Variants in ERBB4 observed in about 807,000 individuals in gnomAD.
The protein encoded by ERBB4 is receptor tyrosine-protein kinase erbB-4.
In ERBB4, 42 loss-of-function variants were observed where a neutral mutation model predicts 158.0. The ratio of observed to expected loss-of-function variants is 0.27; its 90% CI spans 0.21 to 0.34. ERBB4 has a LOEUF of 0.34. Among genes scored for constraint, ERBB4 ranks in the 10% least tolerant of loss-of-function variants. The probability of loss-of-function intolerance (pLI) is 1.00; values close to 1 mark genes in which losing one functional copy is unlikely to be tolerated. For missense variants in ERBB4, 1,333 were observed against 1,624.1 expected (o/e 0.82, Z 3.08); for synonymous variants, 583 against 558.7 (o/e 1.04, Z -0.61).
intron 3 of ERBB4, among the ~76,000 whole-genome samples, chr2:211,847,419 T>G (rs2077616461): frequency 6.6e-6 from 1 of 152,054 alleles, no homozygotes. Flanking sequence ...TGAGCCCACA[T>G]GAAGTTACAA....
At chr2:212,093,703 T>C (rs2078845725) in intron 2 of ERBB4, among the ~76,000 whole-genome samples, 1 of 152,222 alleles carries the variant, frequency 6.6e-6, no homozygotes, top group Non-Finnish European at 1.5e-5. Flanking sequence ...CTTGTGGTGT[T>C]ATAATAATCC....
At chr2:211,583,811 A>ATTATAATATCATTATT (rs1199180697) in intron 19 of ERBB4, among the ~76,000 whole-genome samples, 15 of 151,710 alleles carry the variant, frequency 9.9e-5, no homozygotes, top group Non-Finnish European at 1.5e-4. Context: ...TTTTTTGTCA[A>ATTATAATATCATTATT]TTATAATATC....
chr2:211,524,674 C>T (rs908047099), intron 20 of ERBB4, among the ~76,000 whole-genome samples: 6 of 135,238 alleles, frequency 4.4e-5, no homozygotes, highest in South Asian at 2.2e-4. Flanking sequence ...GCTCCGAGTG[C>T]GGGGCCGCCA....
chr2:211,694,909 G>A (rs946497744), intron 12 of ERBB4, among the ~76,000 whole-genome samples: 3 of 152,072 alleles, frequency 2.0e-5, no homozygotes, highest in African/African-American at 7.2e-5. Flanking sequence ...AAGAAAATCT[G>A]CCACCTTAGT....
chr2:212,219,731 T>C (rs536452047), intron 1 of ERBB4, among the ~76,000 whole-genome samples: 2 of 151,452 alleles, frequency 1.3e-5, no homozygotes, highest in African/African-American at 4.8e-5. Context: ...AATTATGTAT[T>C]CTTTACTCCT....
Position 211,393,740 on chromosome 2 carries a change from CGTGTGTGTGTGTGT to C in ERBB4, c.3136-5762_3136-5749del, listed in dbSNP as rs58472959. ...AACTTTGAGTATTAAGAGTTAATAG[CGTGTGTGTGTGTGT>C]GTGTGTGTGTGTGTGTGTGTGTGTG... On this transcript the variant is annotated intron_variant, in intron 25 of 27. Coordinates refer to ENST00000342788, the MANE Select transcript of ERBB4 (RefSeq NM_005235.3). Among the ~76,000 whole-genome samples, 1,281 of 146,344 alleles carry C rather than the reference CGTGTGTGTGTGTGT, an allele frequency of 8.8e-3. 15 individuals are homozygous for C. The highest frequency in any genetic ancestry group is 0.026 in the African/African-American group (1,031 of 40,136).
chr2:211,566,560 A>G (rs2067554239), intron 19 of ERBB4, among the ~76,000 whole-genome samples: 1 of 152,196 alleles, frequency 6.6e-6, no homozygotes, highest in Non-Finnish European at 1.5e-5. Context: ...CAATGTAGTT[A>G]TAAAGAGAGT....
chr2:211,746,956 A>G (rs2074993704), intron 5 of ERBB4, among the ~76,000 whole-genome samples: 1 of 152,258 alleles, frequency 6.6e-6, no homozygotes, highest in African/African-American at 2.4e-5. Flanking sequence ...AACATTGTCA[A>G]AAATTGTTAT....
chr2:211,437,766 T>C (rs767372277), intron 20 of ERBB4, among the ~76,000 whole-genome samples: 16 of 152,154 alleles, frequency 1.1e-4, no homozygotes, highest in Non-Finnish European at 2.4e-4. Flanking sequence ...TTTTCTGTTT[T>C]CATTCTAATT....
At chr2:212,362,228 A>G (rs2089714396) in intron 1 of ERBB4, among the ~76,000 whole-genome samples, 1 of 151,484 alleles carries the variant, frequency 6.6e-6, no homozygotes, top group Admixed American at 6.6e-5. Flanking sequence ...CTGTAGCCAG[A>G]TACTTCCATC....
chr2:212,303,385 C>A (rs2086691335), intron 1 of ERBB4, among the ~76,000 whole-genome samples: 1 of 151,362 alleles, frequency 6.6e-6, no homozygotes, highest in African/African-American at 2.4e-5. Flanking sequence ...TTATCCACAG[C>A]TATAAAGACA....
At chr2:212,342,115 AC>A (rs904417094) in intron 1 of ERBB4, among the ~76,000 whole-genome samples, 2 of 152,036 alleles carry the variant, frequency 1.3e-5, no homozygotes, top group Admixed American at 6.5e-5. Context: ...AAACAACAAA[AC>A]ATCCAGGCAT....
At chr2:212,222,453 C>T (rs192121686) in intron 1 of ERBB4, among the ~76,000 whole-genome samples, 17 of 151,560 alleles carry the variant, frequency 1.1e-4, no homozygotes, top group African/African-American at 3.1e-4. Context: ...GTATTAGCTC[C>T]AACACTACTC....
chr2:211,713,457 G>C, intron 8 of ERBB4, 78 bp downstream of exon 8: 1 of 834,070 alleles, frequency 1.2e-6, no homozygotes, highest in South Asian at 1.4e-5. Flanking sequence ...ATATTAAAAA[G>C]TTGGTCTACT....
intron 17 of ERBB4, 81 bp from the exon 18 acceptor site, chr2:211,624,125 T>C (rs989796707): frequency 5.7e-5 from 87 of 1,516,892 alleles, no homozygotes; most frequent in Non-Finnish European, 7.4e-5. Flanking sequence ...CTCTCTCTCT[T>C]TGGTTCTCTT....
At chr2:212,183,312 T>C (rs958166958) in intron 1 of ERBB4, among the ~76,000 whole-genome samples, 1 of 152,128 alleles carries the variant, frequency 6.6e-6, no homozygotes, top group African/African-American at 2.4e-5. Context: ...GGATTTTATA[T>C]GCTAATGCCA....
intron 25 of ERBB4, among the ~76,000 whole-genome samples, chr2:211,413,309 A>AACACACACACACAC (rs36108369): frequency 1.3e-3 from 123 of 94,572 alleles, no homozygotes; most frequent in African/African-American, 4.5e-3. Context: ...CTGTCTTAAA[A>AACACACACACACAC]ACACACACAC....
chr2:211,447,922 G>C (rs1272701391), intron 20 of ERBB4, among the ~76,000 whole-genome samples: 1 of 152,044 alleles, frequency 6.6e-6, no homozygotes, highest in African/African-American at 2.4e-5. Flanking sequence ...AACATGGCTG[G>C]GGTTTGGTGA....
chr2:211,918,907 C>T (rs2079778360), intron 3 of ERBB4, among the ~76,000 whole-genome samples: 1 of 152,090 alleles, frequency 6.6e-6, no homozygotes, highest in South Asian at 2.1e-4. Context: ...TTTTAAGCCA[C>T]TGAGATTTTG....
Sources: allele counts gnomAD v4.1 joint callset (sites outside exome capture counted in the v4.1 genomes callset), GRCh38; gene constraint gnomAD v4.1.1; transcripts MANE v1.5; gene names NCBI Gene and HGNC (gene_info 2026-07-23, HGNC 2026-07-21).